The following SHANK2 variants were observed in gnomAD, a reference collection of about 807,000 sequenced individuals.
The protein encoded by SHANK2 is SH3 and multiple ankyrin repeat domains protein 2.
Under a neutral mutation model 133.7 loss-of-function variants are expected in SHANK2, and 43 were observed. That is an observed-to-expected ratio of 0.32 (90% CI 0.25 to 0.41). The LOEUF (loss-of-function observed/expected upper bound fraction) is 0.41, where lower values mean the gene tolerates loss of function less well. Among genes scored for constraint, SHANK2 ranks in the 10% least tolerant of loss-of-function variants. The pLI, the probability that SHANK2 is intolerant of heterozygous loss-of-function variation, is 1.00. For missense variants in SHANK2, 1,994 were observed against 2,235.8 expected (o/e 0.89, Z 2.18); for synonymous variants, 1,017 against 952.8 (o/e 1.07, Z -1.24).
intron 14 of SHANK2, among the ~76,000 whole-genome samples, chr11:70,728,373 G>A (rs1555031231): frequency 6.6e-6 from 1 of 152,210 alleles, no homozygotes. Context: ...CTTGGGAGTG[G>A]TCACACTCGG....
At chr11:70,497,518 C>T (rs995764148) in intron 21 of SHANK2, among the ~76,000 whole-genome samples, 68 of 152,182 alleles carry the variant, frequency 4.5e-4, no homozygotes, top group African/African-American at 1.5e-3. Flanking sequence ...AGCAGTCACC[C>T]GCATTTCAGC....
chr11:71,166,021 C>T (rs34402475), intron 2 of SHANK2, among the ~76,000 whole-genome samples: 37,817 of 152,028 alleles, frequency 0.25, 5,141 homozygotes, highest in African/African-American at 0.34. Flanking sequence ...TGTCCACACG[C>T]CCCCCAGCCT....
chr11:71,120,722 ACT>A (rs1590932096), intron 3 of SHANK2, among the ~76,000 whole-genome samples: 3 of 151,938 alleles, frequency 2.0e-5, no homozygotes, highest in East Asian at 3.9e-4. Context: ...CTAAGCAAGG[ACT>A]CTCTGGAAAC....
At chr11:70,514,325 T>TA (rs2059240268) in intron 17 of SHANK2, among the ~76,000 whole-genome samples, 1 of 152,088 alleles carries the variant, frequency 6.6e-6, no homozygotes, top group Non-Finnish European at 1.5e-5. Context: ...AAGACCTTTA[T>TA]AAAAAAATGA....
In SHANK2 at chr11:70,807,770, C is replaced by A. The variant is rs1474096875; in HGVS notation, c.1494-599G>T. ...GCTTAAACCTGGGAGGCGGAGGTTG[C>A]GGTGAGCCAAGACTGCACCATTGCA... On this transcript the variant is annotated intron_variant, in intron 12 of 25. Transcript: ENST00000601538. This position sits in a 1 kb window ranked among gnomAD's most constrained non-coding sequence, Gnocchi z 4.8. 6.6e-6 allele frequency among the ~76,000 whole-genome samples: 1 copy of A among 151,940 alleles called. No individual in the cohort carries two copies. Among genetic ancestry groups the A allele is most frequent in the African/African-American group, 2.4e-5 (1 of 41,334 alleles).
intron 14 of SHANK2, among the ~76,000 whole-genome samples, chr11:70,767,157 G>A (rs1565302727): frequency 6.6e-6 from 1 of 152,212 alleles, no homozygotes; most frequent in Non-Finnish European, 1.5e-5. Flanking sequence ...GATGATGTTA[G>A]GCCAAGCAGC....
Position 70,875,684 on chromosome 11 carries a change from C to T in SHANK2, c.1174+20817G>A, listed in dbSNP as rs188586308. 3.3e-5 allele frequency among the ~76,000 whole-genome samples: 5 copies of T among 152,144 alleles called. No individual in the cohort carries two copies. The East Asian group carries it at 5.8e-4, about 18-fold the overall frequency. On this transcript the variant is annotated intron_variant, in intron 11 of 25. Coordinates refer to ENST00000601538, the MANE Select transcript of SHANK2 (RefSeq NM_012309.5). Reference sequence around the variant, plus strand: ...AGCCTGGGAAACACAGTGAAAGCCCCGTCTCTACAAAAATATAAAAATTAG... The same window carrying T: ...AGCCTGGGAAACACAGTGAAAGCCCTGTCTCTACAAAAATATAAAAATTAG...
chr11:70,515,136 G>T (rs1175539414), intron 17 of SHANK2, among the ~76,000 whole-genome samples: 1 of 152,156 alleles, frequency 6.6e-6, no homozygotes, highest in African/African-American at 2.4e-5. Context: ...GACTTCCCAG[G>T]CTCAGGTGAT....
At chr11:71,150,917 T>C (rs1253676916) in intron 2 of SHANK2, among the ~76,000 whole-genome samples, 4 of 152,092 alleles carry the variant, frequency 2.6e-5, no homozygotes, top group Non-Finnish European at 5.9e-5. Context: ...ATCCTGAACT[T>C]AGGAGTTTTC....
intron 8 of SHANK2, among the ~76,000 whole-genome samples, chr11:71,085,645 TTA>T (rs1260969413): frequency 3.3e-4 from 14 of 42,156 alleles, no homozygotes; most frequent in Admixed American, 4.9e-4. Context: ...ATATAATATA[TTA>T]TGTTATATAT....
rs1351356879 is a variant in SHANK2, at chr11:70,573,549, C to T, written c.2062-70618G>A. Among the ~76,000 whole-genome samples the T allele has an allele frequency of 1.0e-4, 11 of 105,068 alleles. No individual in the cohort carries two copies. The South Asian group carries it at 1.3e-3, about 12-fold the overall frequency. The allele number at this position is 105,068 out of a possible 152,430, so 68.9% of individuals were successfully genotyped here. On this transcript the variant is annotated intron_variant, in intron 17 of 25. Transcript: ENST00000601538. The stretch of plus-strand genomic sequence containing the variant: ...CCCCATGTGTCTGTGTGTGTGGGGG[C>T]GGGGGGGGGGTGGGGCATGGCATTT...
chr11:71,118,687 A>C, intron 4 of SHANK2, 142 bp downstream of exon 4: 1 of 743,754 alleles, frequency 1.3e-6, no homozygotes, highest in Non-Finnish European at 2.1e-6. Context: ...AAACCTCAAG[A>C]CCCCAGACTG....
chr11:71,167,773 G>A lies in SHANK2; in HGVS notation c.-12-20435C>T, dbSNP rs1341712392. On this transcript the variant is annotated intron_variant, in intron 2 of 25. Transcript: ENST00000601538. ...CAGAGGCGTCCCTCACCTCCCGGAC[G>A]GGGCGGCTGGCCGGGCGGGGGGCTG... 4.5e-4 allele frequency among the ~76,000 whole-genome samples: 55 copies of A among 122,046 alleles called. 2 individuals are homozygous for A. In the South Asian group the frequency reaches 8.0e-3, roughly 18 times the overall value. The allele number at this position is 122,046 out of a possible 152,430, so 80.1% of individuals were successfully genotyped here.
chr11:70,663,766 C>T (rs1944627243), intron 15 of SHANK2, among the ~76,000 whole-genome samples: 1 of 152,192 alleles, frequency 6.6e-6, no homozygotes. Flanking sequence ...TTGGCTCATC[C>T]CTGGAAGCCC....
At chr11:71,153,326 C>A (rs1410113424) in intron 2 of SHANK2, among the ~76,000 whole-genome samples, 1 of 152,100 alleles carries the variant, frequency 6.6e-6, no homozygotes, top group East Asian at 1.9e-4. Context: ...AACCCCAGGT[C>A]CATGAACTTC....
chr11:70,590,916 G>C (rs1554987903), intron 17 of SHANK2, among the ~76,000 whole-genome samples: 1 of 152,166 alleles, frequency 6.6e-6, no homozygotes, highest in Admixed American at 6.5e-5. Flanking sequence ...GCTCCTCTTG[G>C]GGCCAAGGCT....
intron 11 of SHANK2, among the ~76,000 whole-genome samples, chr11:70,848,370 G>A (rs1949029936): frequency 6.6e-6 from 1 of 152,178 alleles, no homozygotes; most frequent in Non-Finnish European, 1.5e-5. Flanking sequence ...GCCTGGCGGG[G>A]GTGATCAACC....
chr11:70,492,446 G>A lies in SHANK2; in HGVS notation c.2328C>T (p.Val776=). Reference sequence around the variant, plus strand: ...CAGCGCGGGAGGGCTTGGAGGCCGGGACTATCTCCTCGGGTTTATCTGCAA... The same window carrying A: ...CAGCGCGGGAGGGCTTGGAGGCCGGAACTATCTCCTCGGGTTTATCTGCAA... ...RKKKDKPEEI[V]PASKPSRAAE... is the part of the protein sequence containing the mutation. Residue 776 remains valine (V), a synonymous_variant, in exon 22 of 26, where the codon GTC becomes GTT. Transcript: ENST00000601538. 6.2e-7 allele frequency: 1 copy of A among 1,614,062 alleles called. No individual in the cohort carries two copies. Among genetic ancestry groups the A allele is most frequent in the Non-Finnish European group, 8.5e-7 (1 of 1,180,046 alleles).
At chr11:70,716,066 G>GC (rs1282964447) in intron 14 of SHANK2, among the ~76,000 whole-genome samples, 2 of 151,994 alleles carry the variant, frequency 1.3e-5, no homozygotes, top group African/African-American at 2.4e-5. Flanking sequence ...TTAGGGCTCT[G>GC]CCCCCCATGC....
Sources: allele counts gnomAD v4.1 joint callset (sites outside exome capture counted in the v4.1 genomes callset), GRCh38; gene constraint gnomAD v4.1.1; non-coding constraint Gnocchi (gnomAD v3.1); transcripts MANE v1.5; gene names NCBI Gene and HGNC (gene_info 2026-07-23, HGNC 2026-07-21).